PRDM1: variants seen among roughly 807,000 people sequenced by gnomAD.
PRDM1 encodes the protein PR/SET domain 1.
Under a neutral mutation model 62.8 loss-of-function variants are expected in PRDM1, and 13 were observed. That is an observed-to-expected ratio of 0.21 (90% CI 0.13 to 0.33). PRDM1 has a LOEUF of 0.33. Ranked by LOEUF, PRDM1 falls within the 10% of genes least tolerant of loss-of-function variation. The probability of loss-of-function intolerance (pLI) is 1.00; values close to 1 mark genes in which losing one functional copy is unlikely to be tolerated. For synonymous variants in PRDM1, 396 were observed against 417.6 expected (o/e 0.95, Z 0.63); for missense variants, 895 against 1,058.8 (o/e 0.85, Z 2.15).
chr6:106,058,840 G>C (rs1355132235), intron 1 of PRDM1, among the ~76,000 whole-genome samples: 1 of 152,148 alleles, frequency 6.6e-6, no homozygotes, highest in African/African-American at 2.4e-5. Flanking sequence ...AAAATGCTGG[G>C]ATTATAAGCT....
chr6:106,051,317 G>A (rs1204769338), intron 1 of PRDM1, among the ~76,000 whole-genome samples: 1 of 152,194 alleles, frequency 6.6e-6, no homozygotes, highest in East Asian at 1.9e-4. Context: ...AGTGGGCTAG[G>A]TCTTCTGCCC....
At chr6:106,068,569 T>C (rs989472165) in intron 1 of PRDM1, among the ~76,000 whole-genome samples, 1 of 152,204 alleles carries the variant, frequency 6.6e-6, no homozygotes, top group Non-Finnish European at 1.5e-5. Context: ...ACTCCTGCAC[T>C]TTCCAAAAGC....
chr6:106,054,819 A>T (rs1773237727), intron 1 of PRDM1, among the ~76,000 whole-genome samples: 1 of 152,222 alleles, frequency 6.6e-6, no homozygotes, highest in Admixed American at 6.5e-5. Context: ...ATGCCATAAA[A>T]GGTATATATT....
At chr6:106,072,166 G>A (rs986298822) in intron 1 of PRDM1, 4 of 152,136 alleles carry the variant, frequency 2.6e-5, no homozygotes, top group East Asian at 1.9e-4. Context: ...TATCTTCTTC[G>A]CCTATGGTGA....
intron 1 of PRDM1, among the ~76,000 whole-genome samples, chr6:106,009,830 G>T (rs1393920900): frequency 2.6e-5 from 4 of 152,142 alleles, no homozygotes; most frequent in African/African-American, 4.8e-5. Context: ...CAATTCTCCT[G>T]CCTCAGCCTC....
chr6:106,061,413 C>T (rs1252442195), intron 1 of PRDM1, among the ~76,000 whole-genome samples: 2 of 152,210 alleles, frequency 1.3e-5, no homozygotes, highest in African/African-American at 2.4e-5. Flanking sequence ...TCCAGCAGTT[C>T]AGCTCTGCCT....
At chr6:105,998,750 T>G (rs1303472571) in intron 1 of PRDM1, among the ~76,000 whole-genome samples, 2 of 152,090 alleles carry the variant, frequency 1.3e-5, no homozygotes, top group African/African-American at 4.8e-5. Flanking sequence ...CAAGGACTGT[T>G]AGTCAACTTT....
intron 1 of PRDM1, among the ~76,000 whole-genome samples, chr6:106,052,960 C>T (rs985507915): frequency 5.3e-5 from 8 of 150,640 alleles, no homozygotes; most frequent in African/African-American, 1.7e-4. Context: ...GAGTGAGACT[C>T]TATCTCAAAA....
intron 1 of PRDM1, among the ~76,000 whole-genome samples, chr6:106,059,108 CCT>C (rs1346348316): frequency 6.6e-6 from 1 of 152,058 alleles, no homozygotes; most frequent in Non-Finnish European, 1.5e-5. Context: ...CCACAAGACC[CCT>C]GTTATTCTGT....
chr6:106,011,063 C>T (rs1320857373), intron 1 of PRDM1, among the ~76,000 whole-genome samples: 2 of 152,302 alleles, frequency 1.3e-5, no homozygotes, highest in Admixed American at 6.5e-5. Flanking sequence ...CGTTAATCCC[C>T]ATAGGGTGTA....
intron 1 of PRDM1, among the ~76,000 whole-genome samples, chr6:106,040,389 C>T (rs976240329): frequency 3.3e-5 from 5 of 152,158 alleles, no homozygotes; most frequent in African/African-American, 7.2e-5. Context: ...CACATGAATA[C>T]GAGCACACCA....
chr6:105,997,812 T>C lies in PRDM1; in HGVS notation c.-67+4173T>C, dbSNP rs560107478. 1.2e-4 allele frequency among the ~76,000 whole-genome samples: 18 copies of C among 152,370 alleles called. 1 individual carries two copies. The South Asian group carries it at 3.7e-3, about 32-fold the overall frequency. On this transcript the variant is annotated intron_variant, in intron 1 of 6. Coordinates refer to the PRDM1 transcript ENST00000652320. ...AAGAAGAGATCTATGGACTTTGTAA[T>C]GGGCATTTGGATGAGAGCTTCTAGA...
chr6:106,060,501 C>T lies in PRDM1; in HGVS notation c.-67+11787C>T, dbSNP rs191741681. Reference sequence around the variant, plus strand: ...TAGACATAGATAACTCACTCGAGTACTAGGGATTGGCATAAGTAATGAAAG... The same window carrying T: ...TAGACATAGATAACTCACTCGAGTATTAGGGATTGGCATAAGTAATGAAAG... On this transcript the variant is annotated intron_variant, in intron 1 of 6. Transcript: ENST00000651185. Among the ~76,000 whole-genome samples, 3 of 151,974 alleles carry T rather than the reference C, an allele frequency of 2.0e-5. No individual in the cohort carries two copies. In the East Asian group the frequency reaches 5.8e-4, roughly 29 times the overall value.
chr6:106,059,846 G>A (rs976938103), intron 1 of PRDM1, among the ~76,000 whole-genome samples: 4 of 152,172 alleles, frequency 2.6e-5, no homozygotes, highest in East Asian at 1.9e-4. Flanking sequence ...TGGTGGGGAC[G>A]GAGATAGGGA....
chr6:106,060,716 G>A (rs1445293687), intron 1 of PRDM1, among the ~76,000 whole-genome samples: 1 of 152,054 alleles, frequency 6.6e-6, no homozygotes, highest in Non-Finnish European at 1.5e-5. Flanking sequence ...AACGTGCTGG[G>A]AAGACTAAAT....
At chr6:106,033,655 A>G (rs758170965) in intron 1 of PRDM1, among the ~76,000 whole-genome samples, 24 of 152,172 alleles carry the variant, frequency 1.6e-4, no homozygotes, top group Non-Finnish European at 2.8e-4. Flanking sequence ...TTGCTAGTAT[A>G]TAGATGAGGT....
chr6:106,006,709 G>A (rs893446168), intron 1 of PRDM1, among the ~76,000 whole-genome samples: 2 of 152,012 alleles, frequency 1.3e-5, no homozygotes, highest in South Asian at 4.2e-4. Flanking sequence ...GTTTTTTGAG[G>A]TGAAGGCAGT....
intron 1 of PRDM1, among the ~76,000 whole-genome samples, chr6:106,064,262 G>T (rs1037654528): frequency 6.6e-6 from 1 of 152,154 alleles, no homozygotes; most frequent in African/African-American, 2.4e-5. Context: ...AGTTAGCCTC[G>T]ATGTCTATTT....
intron 1 of PRDM1, among the ~76,000 whole-genome samples, chr6:105,998,846 T>C (rs1582420625): frequency 6.7e-6 from 1 of 150,366 alleles, no homozygotes; most frequent in Non-Finnish European, 1.5e-5. Context: ...GTTACTATAA[T>C]CAACCTGGCT....
Sources: gnomAD v4.1 joint callset for allele counts (sites outside exome capture counted in the v4.1 genomes callset) on GRCh38, gnomAD v4.1.1 for gene constraint, MANE v1.5 for transcripts, NCBI Gene and HGNC (gene_info 2026-07-23, HGNC 2026-07-21) for gene names.